Variants in IGF1R observed in about 807,000 individuals in gnomAD.
IGF1R encodes insulin-like growth factor 1 receptor.
A neutral mutation model predicts 144.6 loss-of-function variants in IGF1R; 44 were observed. The ratio of observed to expected loss-of-function variants is 0.30; its 90% CI spans 0.24 to 0.39. The LOEUF is 0.39. Ranked by LOEUF, IGF1R falls within the 10% of genes least tolerant of loss-of-function variation. IGF1R has a pLI of 1.00. For synonymous variants in IGF1R, 795 were observed against 722.8 expected (o/e 1.10, Z -1.60); for missense variants, 1,355 against 1,833.7 (o/e 0.74, Z 4.77).
Position 98,891,423 on chromosome 15 carries a change from G to A in IGF1R, c.739G>A (p.Ala247Thr), listed in dbSNP as rs1233649195. 2 of 1,613,630 alleles carry A rather than the reference G, an allele frequency of 1.2e-6. No individual in the cohort carries two copies. The highest frequency in any genetic ancestry group is 8.5e-7 in the Non-Finnish European group (1 of 1,180,002). ...CTGCAGCGCGCCTGACAACGACACG[G>A]CCTGTGTAGCTTGCCGCCACTACTA... ...GSCSAPDNDT[A>T]CVACRHYYYA... The change falls in exon 3 of 21, where the codon GCC (alanine) becomes ACC (threonine). Residue 247 changes from alanine to threonine, a missense_variant. Coordinates refer to ENST00000650285, the MANE Select transcript of IGF1R (RefSeq NM_000875.5). The surrounding 1 kb of genome is among the most constrained non-coding windows in gnomAD (Gnocchi z 4.7).
In IGF1R at chr15:98,648,945, C is replaced by A. The variant is rs1404385073; in HGVS notation, c.-637C>A. ...AGTGCTGAGCGCGGCGCGGCCGGCC[C>A]GCCGCTTTGTGTGTGTCCTGGATTT... is the stretch of plus-strand genomic sequence containing the variant. On this transcript the variant is annotated 5_prime_UTR_variant, in exon 1 of 21. Coordinates refer to ENST00000650285, the MANE Select transcript of IGF1R (RefSeq NM_000875.5). 2.1e-5 allele frequency: 4 copies of A among 189,626 alleles called. No individual in the cohort carries two copies. The highest frequency in any genetic ancestry group is 3.3e-5 in the Non-Finnish European group (3 of 91,294). The allele number at this position is 189,626 out of a possible 1,614,324, so 11.7% of individuals were successfully genotyped here.
At chr15:98,695,937 G>A (rs2053585283) in intron 1 of IGF1R, among the ~76,000 whole-genome samples, 1 of 151,108 alleles carries the variant, frequency 6.6e-6, no homozygotes, top group African/African-American at 2.5e-5. Context: ...CTTAATGTGT[G>A]GAGGCAGAAA....
rs1596138193 is a variant in IGF1R, at chr15:98,649,788, G to C, written c.94+113G>C. 5.2e-6 allele frequency: 4 copies of C among 765,082 alleles called. No individual in the cohort carries two copies. The East Asian group carries it at 8.3e-5, about 16-fold the overall frequency. 47.4% of individuals were successfully genotyped at this position (765,082 alleles called of 1,614,324 possible). A position where few individuals can be genotyped will look rare whatever the true frequency, so the allele number is the denominator to read the frequency against. On this transcript the variant is annotated intron_variant, in intron 1 of 20. Coordinates refer to ENST00000650285, the MANE Select transcript of IGF1R (RefSeq NM_000875.5). ...TCGCAGCTGTCGGGCCCCCGGGCTCGGGAGCGGCGGGGTGGGGCGCAGGGC... is the reference window on the plus strand; with the variant it reads ...TCGCAGCTGTCGGGCCCCCGGGCTCCGGAGCGGCGGGGTGGGGCGCAGGGC...
At chr15:98,654,956 G>A (rs1250874442) in intron 1 of IGF1R, among the ~76,000 whole-genome samples, 3 of 152,172 alleles carry the variant, frequency 2.0e-5, no homozygotes, top group Non-Finnish European at 4.4e-5. Flanking sequence ...GTAAAGATGT[G>A]ATGTGGCTTT....
chr15:98,857,392 T>C (rs1405260113), intron 2 of IGF1R, among the ~76,000 whole-genome samples: 2 of 152,208 alleles, frequency 1.3e-5, no homozygotes, highest in African/African-American at 4.8e-5. Flanking sequence ...CTAATTTTTG[T>C]ATTTTCAGTA....
intron 2 of IGF1R, among the ~76,000 whole-genome samples, chr15:98,718,020 TCTC>T (rs991920698): frequency 3.9e-5 from 6 of 152,094 alleles, no homozygotes; most frequent in African/African-American, 7.2e-5. Context: ...CCCAGCCTCT[TCTC>T]CTGTTTTGTT....
intron 2 of IGF1R, among the ~76,000 whole-genome samples, chr15:98,853,375 G>A (rs2011622277): frequency 6.6e-6 from 1 of 152,206 alleles, no homozygotes. Flanking sequence ...AAGATGCGGA[G>A]CGGAGTTTGC....
chr15:98,806,415 T>C (rs1403704874), intron 2 of IGF1R, among the ~76,000 whole-genome samples: 1 of 152,152 alleles, frequency 6.6e-6, no homozygotes, highest in Non-Finnish European at 1.5e-5. Flanking sequence ...GCCTCCCTTG[T>C]CATGTCCCAC....
chr15:98,914,081 C>T (rs887650678), intron 8 of IGF1R, among the ~76,000 whole-genome samples: 2 of 152,194 alleles, frequency 1.3e-5, no homozygotes. Flanking sequence ...CTCCCTGGCT[C>T]ATAGATGGCT....
intron 2 of IGF1R, among the ~76,000 whole-genome samples, chr15:98,741,935 G>A (rs2054755741): frequency 6.6e-6 from 1 of 152,206 alleles, no homozygotes; most frequent in African/African-American, 2.4e-5. Context: ...ATGTGCACAT[G>A]TATTCAAGAA....
At chr15:98,875,349 C>CTTTTTTT (rs34303390) in intron 2 of IGF1R, among the ~76,000 whole-genome samples, 4 of 130,208 alleles carry the variant, frequency 3.1e-5, no homozygotes, top group African/African-American at 5.8e-5. Context: ...CTTTTCTTTT[C>CTTTTTTT]TTTTTTTTTT....
intron 19 of IGF1R, among the ~76,000 whole-genome samples, chr15:98,947,444 G>T (rs953081948): frequency 2.6e-5 from 4 of 152,196 alleles, no homozygotes; most frequent in African/African-American, 7.2e-5. Flanking sequence ...TGCAGCCCAG[G>T]ACAGGTCCAG....
chr15:98,875,910 G>A (rs1449875876), intron 2 of IGF1R, among the ~76,000 whole-genome samples: 2 of 152,142 alleles, frequency 1.3e-5, no homozygotes, highest in Non-Finnish European at 2.9e-5. Context: ...TACGCATCAC[G>A]TCTGAAGGGA....
chr15:98,818,951 C>A (rs1454946785), intron 2 of IGF1R, among the ~76,000 whole-genome samples: 1 of 152,088 alleles, frequency 6.6e-6, no homozygotes, highest in Non-Finnish European at 1.5e-5. Context: ...GTGAAAGATA[C>A]CTCTGAGACA....
intron 2 of IGF1R, among the ~76,000 whole-genome samples, chr15:98,801,968 G>T (rs2056373668): frequency 6.6e-6 from 1 of 152,104 alleles, no homozygotes; most frequent in South Asian, 2.1e-4. Context: ...CCCAGCAAGG[G>T]CATAGGTACC....
chr15:98,924,033 C>T (rs199688808), intron 12 of IGF1R, 21 bp downstream of exon 12: 70 of 1,611,502 alleles, frequency 4.3e-5, no homozygotes, highest in African/African-American at 1.9e-4. Context: ...GGCAGTGGCC[C>T]GTGCCTGCAT....
chr15:98,738,592 A>G (rs753483966), intron 2 of IGF1R, among the ~76,000 whole-genome samples: 12 of 152,196 alleles, frequency 7.9e-5, no homozygotes, highest in Non-Finnish European at 1.2e-4. Flanking sequence ...ATTACTATGC[A>G]GTTGTGTCTG....
At chr15:98,649,701 C>G in intron 1 of IGF1R, 26 bp downstream of exon 1, 1 of 1,557,882 alleles carries the variant, frequency 6.4e-7, no homozygotes, top group Non-Finnish European at 8.8e-7. Context: ...CCGCCCGCGG[C>G]CACTGCGGGA....
intron 2 of IGF1R, among the ~76,000 whole-genome samples, chr15:98,825,885 G>C (rs2056886374): frequency 6.6e-6 from 1 of 152,192 alleles, no homozygotes; most frequent in Non-Finnish European, 1.5e-5. Context: ...GGAGCCCTCA[G>C]ATATGGAGGG....
Sources: allele counts gnomAD v4.1 joint callset (sites outside exome capture counted in the v4.1 genomes callset), GRCh38; gene constraint gnomAD v4.1.1; non-coding constraint Gnocchi (gnomAD v3.1); transcripts MANE v1.5; gene names NCBI Gene and HGNC (gene_info 2026-07-23, HGNC 2026-07-21).